The following ZC3H7A variants were observed in gnomAD, a reference collection of about 807,000 sequenced individuals.
ZC3H7A encodes zinc finger CCCH-type containing 7A, also known as zinc finger CCCH domain-containing protein 7A.
Under a neutral mutation model 125.5 loss-of-function variants are expected in ZC3H7A, and 44 were observed. The ratio of observed to expected loss-of-function variants is 0.35; its 90% CI spans 0.28 to 0.45. The LOEUF is 0.45. Among genes scored for constraint, ZC3H7A ranks in the 20% least tolerant of loss-of-function variants. The pLI is 1.00. For missense variants in ZC3H7A, 977 were observed against 1,170.7 expected, an observed-to-expected ratio of 0.83 and a Z score of 2.41; for synonymous variants, 399 against 391.2, an observed-to-expected ratio of 1.02 and a Z score of -0.23.
chr16:11,757,710 G>T (rs2052675885), intron 20 of ZC3H7A, among the ~76,000 whole-genome samples: 1 of 152,134 alleles, frequency 6.6e-6, no homozygotes, highest in Non-Finnish European at 1.5e-5. Flanking sequence ...GGCATCTTCA[G>T]TCAGGCCGGA....
intron 15 of ZC3H7A, 124 bp downstream of exon 15, chr16:11,764,929 T>C: frequency 6.4e-6 from 4 of 622,880 alleles, no homozygotes; most frequent in Admixed American, 7.8e-5. Context: ...TTTGTCATTG[T>C]TCTTCAAAAT....
At chr16:11,791,907 CTTTG>C (rs997735243) in intron 1 of ZC3H7A, among the ~76,000 whole-genome samples, 3 of 152,260 alleles carry the variant, frequency 2.0e-5, no homozygotes, top group South Asian at 2.1e-4. Flanking sequence ...GAAGAAGGCA[CTTTG>C]TTTTTTTGTT....
chr16:11,775,750 T>C (rs900141655), intron 7 of ZC3H7A: 1 of 152,244 alleles, frequency 6.6e-6, no homozygotes, highest in African/African-American at 2.4e-5. Context: ...ACCACTCTTA[T>C]TGCACTGAAA....
Position 11,779,382 on chromosome 16 carries a change from C to T in ZC3H7A, c.109-19G>A. The T allele has an allele frequency of 1.9e-6, 3 of 1,596,774 alleles. No homozygotes were observed. The highest frequency in any genetic ancestry group is 2.6e-6 in the Non-Finnish European group (3 of 1,173,086). Reference sequence around the variant, plus strand: ...AATATACCTAAAAAAAAGAAAGTTACCACTTGAAGCCTTTTATCAAACAAG... The same window carrying T: ...AATATACCTAAAAAAAAGAAAGTTATCACTTGAAGCCTTTTATCAAACAAG... On this transcript the variant is annotated intron_variant, in intron 3 of 22. Coordinates refer to ENST00000355758, the MANE Select transcript of ZC3H7A (RefSeq NM_014153.4).
In ZC3H7A at chr16:11,765,096, CAGT is replaced by C. The variant is rs771406879; in HGVS notation, c.1774_1776del (p.Thr592del). ...TGCTTTGTAACCGGGTGAGAACAAG[CAGT>C]AGAATTATCTTTATTTCTTTTACTT... On this transcript the variant is annotated inframe_deletion, in exon 15 of 23. Transcript: ENST00000355758. This position sits in a 1 kb window ranked among gnomAD's most constrained non-coding sequence, Gnocchi z 4.8. 15 of 1,592,194 alleles carry C rather than the reference CAGT, an allele frequency of 9.4e-6. No individual in the cohort carries two copies. Among genetic ancestry groups the C allele is most frequent in the Non-Finnish European group, 1.3e-5 (15 of 1,170,904 alleles).
chr16:11,770,690 T>C, intron 10 of ZC3H7A, 93 bp downstream of exon 10: 2 of 1,147,980 alleles, frequency 1.7e-6, no homozygotes, highest in East Asian at 2.5e-5. Context: ...TTCACATGTC[T>C]ACTACCTAGA....
At chr16:11,758,321 G>A (rs767717723) in intron 20 of ZC3H7A, 110 bp downstream of exon 20, 101 of 812,592 alleles carry the variant, frequency 1.2e-4, no homozygotes, top group Non-Finnish European at 1.9e-4. Context: ...CGGGGCAACC[G>A]TTTAGAATGC....
intron 7 of ZC3H7A, chr16:11,775,544 G>A (rs576077724): frequency 2.0e-5 from 3 of 152,296 alleles, no homozygotes; most frequent in East Asian, 1.9e-4. Flanking sequence ...ATTTCTCGTG[G>A]ACCAGCATTT....
At position 11,763,915 on chromosome 16, in the gene ZC3H7A, T is replaced by C. The variant is rs1359441856; in HGVS notation, c.1821-256A>G. Among the ~76,000 whole-genome samples the C allele has an allele frequency of 3.3e-5, 5 of 150,732 alleles. No homozygotes were observed. The East Asian group carries it at 7.8e-4, about 24-fold the overall frequency. On this transcript the variant is annotated intron_variant, in intron 15 of 22. Coordinates refer to ENST00000355758, the MANE Select transcript of ZC3H7A (RefSeq NM_014153.4). ...GCCTTCCGGGTTCACACCATTCTCC[T>C]GCCTCAGCCTCCTAAGTAGTTGGGA... is the stretch of plus-strand genomic sequence containing the variant.
chr16:11,785,476 C>T (rs1456953335), intron 1 of ZC3H7A, among the ~76,000 whole-genome samples: 6 of 151,418 alleles, frequency 4.0e-5, no homozygotes, highest in Non-Finnish European at 5.9e-5. Context: ...ACTGCACTCC[C>T]GCCTGGGCAA....
At chr16:11,754,786 G>A (rs1158173164) in intron 21 of ZC3H7A, among the ~76,000 whole-genome samples, 1 of 150,808 alleles carries the variant, frequency 6.6e-6, no homozygotes, top group African/African-American at 2.4e-5. Flanking sequence ...CAGCTACACG[G>A]GAGGCTGAGG....
At chr16:11,767,246 T>C (rs567476397) in intron 13 of ZC3H7A, among the ~76,000 whole-genome samples, 171 bp downstream of exon 13, 2 of 152,294 alleles carry the variant, frequency 1.3e-5, no homozygotes, top group Admixed American at 1.3e-4. Context: ...CCACTGACTA[T>C]GTCATGGATA....
At chr16:11,767,789 A>G (rs2052886958) in intron 12 of ZC3H7A, among the ~76,000 whole-genome samples, 1 of 151,604 alleles carries the variant, frequency 6.6e-6, no homozygotes, top group Non-Finnish European at 1.5e-5. Context: ...ATTCAACTCC[A>G]CTCCTGCCAA....
chr16:11,760,122 G>GAAAAAAAAAAAAAAAAAAAAAAAA (rs66812605), intron 19 of ZC3H7A, among the ~76,000 whole-genome samples: 1 of 82,532 alleles, frequency 1.2e-5, no homozygotes, highest in African/African-American at 5.4e-5. Context: ...AAGAAAAAAT[G>GAAAAAAAAAAAAAAAAAAAAAAAA]AAAAAAAAAA....
intron 21 of ZC3H7A, 159 bp from the exon 22 acceptor site, chr16:11,752,991 A>C (rs1199247615): frequency 1.5e-5 from 12 of 790,544 alleles, no homozygotes; most frequent in Admixed American, 3.0e-5. Flanking sequence ...GCAAGCCAGC[A>C]CTCAGGACAC....
At chr16:11,754,011 T>G (rs991605906) in intron 21 of ZC3H7A, 1 of 151,520 alleles carries the variant, frequency 6.6e-6, no homozygotes, top group Non-Finnish European at 1.5e-5. Context: ...CAAGGAGCAG[T>G]TGGGCGCAGT....
Position 11,751,480 on chromosome 16 carries a change from C to T in ZC3H7A, c.2753G>A (p.Gly918Glu). Residue 918 changes from glycine (G) to glutamate (E), a missense_variant, in exon 23 of 23, where the codon GGA becomes GAA. Coordinates refer to ENST00000355758, the MANE Select transcript of ZC3H7A (RefSeq NM_014153.4). Reference protein sequence around the residue: ...DRYMNGTCPEGNSCKFAHGNA... With the variant: ...DRYMNGTCPEENSCKFAHGNA... ...TCCATGTGCAAATTTACAGCTGTTT[C>T]CTTCTGGGCAGGTGCCATTCATATA... 1 of 1,614,074 alleles carries T rather than the reference C, an allele frequency of 6.2e-7. No individual in the cohort carries two copies. Among genetic ancestry groups the T allele is most frequent in the Non-Finnish European group, 8.5e-7 (1 of 1,180,008 alleles).
rs2052835985 is a variant in ZC3H7A at position 11,765,307 on chromosome 16, T to C, written c.1720-154A>G. 1.3e-5 allele frequency among the ~76,000 whole-genome samples: 2 copies of C among 152,208 alleles called. No individual in the cohort carries two copies. On this transcript the variant is annotated intron_variant, in intron 14 of 22. Transcript: ENST00000355758. This position sits in a 1 kb window ranked among gnomAD's most constrained non-coding sequence, Gnocchi z 4.8. ...ACAGTAATAGCCAACATTTACTGAATGAATGTTTTATCACATGGGAGGACC... is the reference window on the plus strand; with the variant it reads ...ACAGTAATAGCCAACATTTACTGAACGAATGTTTTATCACATGGGAGGACC...
chr16:11,779,053 G>A (rs2141205505), intron 4 of ZC3H7A, 113 bp downstream of exon 4: 1 of 924,094 alleles, frequency 1.1e-6, no homozygotes, highest in African/African-American at 1.7e-5. Flanking sequence ...CACTCCAAAA[G>A]CAGGTAATAT....
Sources: allele counts gnomAD v4.1 joint callset (sites outside exome capture counted in the v4.1 genomes callset), GRCh38; gene constraint gnomAD v4.1.1; non-coding constraint Gnocchi (gnomAD v3.1); transcripts MANE v1.5; gene names NCBI Gene and HGNC (gene_info 2026-07-23, HGNC 2026-07-21).